Variants in LINC00305 observed in about 807,000 individuals in gnomAD.
LINC00305 encodes the protein long independently transcribed non-coding RNA 305.
chr18:64,126,305 A>C (rs1166612262), intron 1 of LINC00305, among the ~76,000 whole-genome samples: 1 of 151,978 alleles, frequency 6.6e-6, no homozygotes, highest in Non-Finnish European at 1.5e-5. Context: ...CAATTCCTTT[A>C]TTATTTTCTA....
At chr18:64,126,141 C>T (rs1460675494) in intron 1 of LINC00305, among the ~76,000 whole-genome samples, 3 of 152,034 alleles carry the variant, frequency 2.0e-5, no homozygotes, top group Non-Finnish European at 4.4e-5. Context: ...GTAGACTGAG[C>T]TACCTTGCAA....
intron 1 of LINC00305, among the ~76,000 whole-genome samples, chr18:64,105,199 G>T (rs1189294556): frequency 6.6e-6 from 1 of 152,082 alleles, no homozygotes; most frequent in Non-Finnish European, 1.5e-5. Flanking sequence ...GGTGTCTCAC[G>T]GCTGTAATCC....
intron 1 of LINC00305, among the ~76,000 whole-genome samples, chr18:64,119,450 A>G (rs903109030): frequency 1.3e-5 from 2 of 152,168 alleles, no homozygotes; most frequent in African/African-American, 4.8e-5. Flanking sequence ...TTAAAGTTAT[A>G]TCTAATTAAT....
At chr18:64,118,292 TA>T (rs2051346647) in intron 1 of LINC00305, among the ~76,000 whole-genome samples, 1 of 152,178 alleles carries the variant, frequency 6.6e-6, no homozygotes, top group Non-Finnish European at 1.5e-5. Flanking sequence ...TCCTCAATAA[TA>T]AATGTTCTGT....
At chr18:64,107,264 C>T (rs1187410452) in intron 1 of LINC00305, among the ~76,000 whole-genome samples, 3 of 152,152 alleles carry the variant, frequency 2.0e-5, no homozygotes, top group Non-Finnish European at 4.4e-5. Context: ...GTCAGAGAAA[C>T]AGACAAGTAA....
At chr18:64,114,932 G>A (rs184209801) in intron 1 of LINC00305, among the ~76,000 whole-genome samples, 5 of 152,278 alleles carry the variant, frequency 3.3e-5, no homozygotes, top group Admixed American at 3.3e-4. Flanking sequence ...ACATAAAGAG[G>A]TAAAAAGCCT....
chr18:64,108,997 A>G (rs2051303866), intron 1 of LINC00305, among the ~76,000 whole-genome samples: 1 of 152,218 alleles, frequency 6.6e-6, no homozygotes, highest in Non-Finnish European at 1.5e-5. Flanking sequence ...AGCTCTGCCT[A>G]AAGCTCATCT....
intron 3 of LINC00305, among the ~76,000 whole-genome samples, chr18:64,089,693 G>T (rs2051217558): frequency 6.6e-6 from 1 of 152,196 alleles, no homozygotes; most frequent in South Asian, 2.1e-4. Flanking sequence ...AGAAAGAGAG[G>T]TTTAGTGGAC....
intron 1 of LINC00305, among the ~76,000 whole-genome samples, chr18:64,144,703 G>T (rs1003917213): frequency 3.9e-5 from 6 of 151,974 alleles, no homozygotes; most frequent in Admixed American, 3.9e-4. Context: ...TACTGCTATG[G>T]AATAAAAGAT....
intron 3 of LINC00305, among the ~76,000 whole-genome samples, chr18:64,094,313 A>T (rs919000194): frequency 1.3e-5 from 2 of 152,226 alleles, no homozygotes; most frequent in Non-Finnish European, 2.9e-5. Context: ...TGAAAAGATG[A>T]TACAAACATG....
chr18:64,112,990 T>C (rs1158724960), intron 1 of LINC00305, among the ~76,000 whole-genome samples: 2 of 152,232 alleles, frequency 1.3e-5, no homozygotes, highest in African/African-American at 4.8e-5. Context: ...ATTTCTTATA[T>C]TTTATAGGTT....
intron 1 of LINC00305, among the ~76,000 whole-genome samples, chr18:64,135,546 G>A (rs906926860): frequency 2.6e-5 from 4 of 152,032 alleles, no homozygotes; most frequent in African/African-American, 7.2e-5. Context: ...TGTTGGCAGC[G>A]TGCTTTCTCC....
At chr18:64,137,959 C>T (rs1157242339) in intron 1 of LINC00305, among the ~76,000 whole-genome samples, 1 of 151,898 alleles carries the variant, frequency 6.6e-6, no homozygotes, top group Non-Finnish European at 1.5e-5. Flanking sequence ...TAGAGTATTG[C>T]CTGATTTGGA....
At chr18:64,121,004 T>A (rs1002738810) in intron 1 of LINC00305, among the ~76,000 whole-genome samples, 1 of 152,144 alleles carries the variant, frequency 6.6e-6, no homozygotes, top group African/African-American at 2.4e-5. Context: ...AAAATTTTTT[T>A]ATTTTACTTT....
chr18:64,124,415 C>T (rs2051375996), intron 1 of LINC00305, among the ~76,000 whole-genome samples: 1 of 152,112 alleles, frequency 6.6e-6, no homozygotes, highest in Non-Finnish European at 1.5e-5. Context: ...TGTCATGGCA[C>T]TAATCACCCT....
At chr18:64,143,824 G>T (rs1413793426) in intron 1 of LINC00305, among the ~76,000 whole-genome samples, 1 of 150,140 alleles carries the variant, frequency 6.7e-6, no homozygotes. Context: ...TATATACACA[G>T]AGATAATTCT....
chr18:64,147,933 G>A (rs1332099840), intron 1 of LINC00305, among the ~76,000 whole-genome samples: 2 of 152,062 alleles, frequency 1.3e-5, no homozygotes, highest in Non-Finnish European at 1.5e-5. Context: ...TACACTTGGT[G>A]ACCAGTGAAC....
At chr18:64,126,848 TA>T (rs772582658) in intron 1 of LINC00305, among the ~76,000 whole-genome samples, 1 of 152,168 alleles carries the variant, frequency 6.6e-6, no homozygotes, top group East Asian at 1.9e-4. Context: ...TCCACTGTAT[TA>T]AATTGCCAAA....
At chr18:64,096,294 AAAATC>A (rs147916761) in intron 3 of LINC00305, among the ~76,000 whole-genome samples, 1,663 of 152,090 alleles carry the variant, frequency 0.011, 30 homozygotes, top group African/African-American at 0.038. Flanking sequence ...AATTCCAACA[AAAATC>A]TTAAAAATCT....
Sources: gnomAD v4.1 joint callset for allele counts (sites outside exome capture counted in the v4.1 genomes callset) on GRCh38, gnomAD v4.1.1 for gene constraint, MANE v1.5 for transcripts, NCBI Gene and HGNC (gene_info 2026-07-23, HGNC 2026-07-21) for gene names.